UNC13C: variants seen among roughly 807,000 people sequenced by gnomAD.
UNC13C encodes protein unc-13 homolog C.
UNC13C carries 174 observed loss-of-function variants against 245.4 expected under a neutral mutation model. The observed-to-expected ratio is 0.71, with a 90% CI of 0.63 to 0.80. The LOEUF (loss-of-function observed/expected upper bound fraction) is 0.80. UNC13C is among the 30% of genes least tolerant of loss of function. UNC13C has a pLI of 0.00. For synonymous variants in UNC13C, 992 were observed against 895.1 expected, an observed-to-expected ratio of 1.11 and a Z score of -1.93; for missense variants, 2,829 against 2,602.9, an observed-to-expected ratio of 1.09 and a Z score of -1.89.
chr15:54,260,038 T>C (rs1178960843), intron 8 of UNC13C, among the ~76,000 whole-genome samples: 1 of 152,196 alleles, frequency 6.6e-6, no homozygotes, highest in Non-Finnish European at 1.5e-5. Context: ...CCAATCATTT[T>C]ATCTTCGGCT....
intron 2 of UNC13C, among the ~76,000 whole-genome samples, chr15:54,087,821 TTGTC>T (rs1190005728): frequency 1.3e-5 from 2 of 152,242 alleles, no homozygotes; most frequent in African/African-American, 4.8e-5. Context: ...ACCAAAGTTT[TTGTC>T]TGTGCCAGAG....
chr15:53,945,294 C>T, the UNC13C span, among the ~76,000 whole-genome samples: 2 of 152,104 alleles, frequency 1.3e-5, no homozygotes, highest in South Asian at 2.1e-4. Flanking sequence ...TTGCATTTAG[C>T]AGCTTCATCA....
chr15:54,055,233 A>G (rs1040183573), intron 2 of UNC13C, among the ~76,000 whole-genome samples: 4 of 152,184 alleles, frequency 2.6e-5, no homozygotes, highest in Non-Finnish European at 5.9e-5. Context: ...TGGAAAAATC[A>G]TGCTTATGCA....
intron 4 of UNC13C, among the ~76,000 whole-genome samples, chr15:54,225,834 C>T (rs1277295572): frequency 6.6e-6 from 1 of 152,118 alleles, no homozygotes; most frequent in Non-Finnish European, 1.5e-5. Context: ...CCAGAACTTC[C>T]AATACTATGT....
chr15:54,495,954 G>A (rs1893932270), intron 20 of UNC13C, among the ~76,000 whole-genome samples: 1 of 151,914 alleles, frequency 6.6e-6, no homozygotes, highest in African/African-American at 2.4e-5. Flanking sequence ...TTGGTCAAAA[G>A]ATACAACATT....
intron 5 of UNC13C, 115 bp downstream of exon 5, chr15:54,235,223 A>G (rs116417795): frequency 2.5e-6 from 2 of 805,554 alleles, no homozygotes; most frequent in Non-Finnish European, 4.0e-6. Flanking sequence ...GAATAAAAAT[A>G]TATGAGGCCA....
intron 1 of UNC13C, among the ~76,000 whole-genome samples, chr15:53,982,449 C>A (rs779479409): frequency 6.6e-6 from 1 of 152,018 alleles, no homozygotes; most frequent in Non-Finnish European, 1.5e-5. Flanking sequence ...GTGGGAAGAA[C>A]TAATGGCTTA....
intron 13 of UNC13C, among the ~76,000 whole-genome samples, chr15:54,316,415 C>T (rs1338134848): frequency 6.6e-6 from 1 of 151,908 alleles, no homozygotes; most frequent in Non-Finnish European, 1.5e-5. Flanking sequence ...CCACGCTTGG[C>T]TATCTCTTAG....
intron 18 of UNC13C, among the ~76,000 whole-genome samples, chr15:54,397,465 T>C (rs1187887300): frequency 2.0e-5 from 3 of 151,516 alleles, no homozygotes; most frequent in Non-Finnish European, 4.4e-5. Context: ...TAGTAAAATT[T>C]ACTCAACTTT....
chr15:54,061,421 G>A (rs917232919), intron 2 of UNC13C, among the ~76,000 whole-genome samples: 3 of 152,120 alleles, frequency 2.0e-5, no homozygotes, highest in African/African-American at 7.2e-5. Flanking sequence ...TTTGCTCTTG[G>A]AAGCTTGCCT....
rs753934007 is a variant in UNC13C, at chr15:54,532,960, G to A, written c.5590G>A (p.Glu1864Lys). Residue 1864 changes from glutamate (E) to lysine (K), a missense_variant, in exon 26 of 33, where the codon GAA becomes AAA. Coordinates refer to ENST00000260323, the MANE Select transcript of UNC13C (RefSeq NM_001080534.3). ...IEECIKQMSF[E>K]LNQMRANGNT... ...AGAGTGTATAAAACAGATGAGTTTC[G>A]AACTAAATCAAATGAGAGCAAATGG... The A allele has an allele frequency of 1.4e-5, 23 of 1,590,384 alleles. No homozygotes were observed. Among genetic ancestry groups the A allele is most frequent in the South Asian group, 5.7e-5 (5 of 88,390 alleles).
intron 2 of UNC13C, among the ~76,000 whole-genome samples, chr15:54,020,055 G>C (rs1186088499): frequency 1.3e-5 from 2 of 152,032 alleles, no homozygotes; most frequent in Non-Finnish European, 2.9e-5. Context: ...AAGTAAAAAA[G>C]CTCACCTGTG....
At chr15:53,852,952 A>T in the UNC13C span, among the ~76,000 whole-genome samples, 2 of 151,828 alleles carry the variant, frequency 1.3e-5, no homozygotes, top group Non-Finnish European at 2.9e-5. Flanking sequence ...GTAATCTTTT[A>T]TGTGTGTGCA....
At chr15:53,851,979 C>CT in the UNC13C span, among the ~76,000 whole-genome samples, 1 of 152,270 alleles carries the variant, frequency 6.6e-6, no homozygotes, top group African/African-American at 2.4e-5. Context: ...ATGTGCTTCC[C>CT]TGAGTTCTGT....
At chr15:53,898,364 T>A in the UNC13C span, among the ~76,000 whole-genome samples, 239 of 152,280 alleles carry the variant, frequency 1.6e-3, no homozygotes, top group Non-Finnish European at 2.5e-3. Context: ...CAGCTTTTCT[T>A]GACCTAACTG....
At chr15:54,132,175 G>A (rs1415989599) in intron 2 of UNC13C, among the ~76,000 whole-genome samples, 6 of 148,972 alleles carry the variant, frequency 4.0e-5, no homozygotes, top group East Asian at 2.0e-4. Context: ...TACTTATGCC[G>A]TTCTCCTCCC....
chr15:54,401,787 CT>C (rs1443470858), intron 18 of UNC13C, among the ~76,000 whole-genome samples: 14 of 152,064 alleles, frequency 9.2e-5, no homozygotes, highest in Admixed American at 9.2e-4. Flanking sequence ...AGCATCTTGT[CT>C]GTCTTGTCTG....
At chr15:54,279,831 G>T (rs895769428) in intron 10 of UNC13C, among the ~76,000 whole-genome samples, 117 of 152,280 alleles carry the variant, frequency 7.7e-4, no homozygotes, top group African/African-American at 2.6e-3. Flanking sequence ...TAAGGAAATA[G>T]AAAAGTATTG....
At chr15:54,426,655 T>G (rs902384790) in intron 19 of UNC13C, among the ~76,000 whole-genome samples, 1 of 151,596 alleles carries the variant, frequency 6.6e-6, no homozygotes, top group African/African-American at 2.4e-5. Flanking sequence ...AAGTAGAGAT[T>G]ATTTGGGATT....
Sources: allele counts gnomAD v4.1 joint callset (sites outside exome capture counted in the v4.1 genomes callset), GRCh38; gene constraint gnomAD v4.1.1; transcripts MANE v1.5; gene names NCBI Gene and HGNC (gene_info 2026-07-23, HGNC 2026-07-21).